The following OR1I1 variants were observed in gnomAD, a reference collection of about 807,000 sequenced individuals.
The protein encoded by OR1I1 is olfactory receptor family 1 subfamily I member 1, also known as olfactory receptor 1I1.
For synonymous variants in OR1I1, 171 were observed against 181.4 expected (o/e 0.94, Z 0.46); for missense variants, 451 against 443.6 (o/e 1.02, Z -0.15).
Position 15,082,247 on chromosome 19 carries a change from T to C in OR1I1, c.-43T>C, listed in dbSNP as rs2046212195. ...GGGGTACACATATGAATCCTTCCCATAGACATCAGGCTAACCCCAGCGATC... is the reference window on the plus strand; with the variant it reads ...GGGGTACACATATGAATCCTTCCCACAGACATCAGGCTAACCCCAGCGATC... On this transcript the variant is annotated 5_prime_UTR_variant, in exon 1 of 2. Coordinates refer to ENST00000641398, the MANE Select transcript of OR1I1 (RefSeq NM_001004713.2). 6.6e-6 allele frequency: 1 copy of C among 152,380 alleles called. No individual in the cohort carries two copies. The highest frequency in any genetic ancestry group is 1.5e-5 in the Non-Finnish European group (1 of 68,254). 9.4% of individuals were successfully genotyped at this position (152,380 alleles called of 1,614,324 possible).
Position 15,087,238 on chromosome 19 carries a change from C to T in OR1I1, c.173C>T (p.Pro58Leu), listed in dbSNP as rs2046233651. ...AIITDSHLHT[P>L]MYFFLFNLSL... ...ATCACGGACTCTCACCTCCACACAC[C>T]CATGTACTTCTTTCTCTTCAACCTC... is the stretch of plus-strand genomic sequence containing the variant. The change falls in exon 2 of 2, where the codon CCC (proline) becomes CTC (leucine). Residue 58 changes from proline (P) to leucine (L), a missense_variant. Transcript: ENST00000641398. 6.2e-7 allele frequency: 1 copy of T among 1,614,072 alleles called. No homozygotes were observed. Among genetic ancestry groups the T allele is most frequent in the Non-Finnish European group, 8.5e-7 (1 of 1,179,988 alleles).
At chr19:15,083,133 G>T (rs1204323976) in intron 1 of OR1I1, among the ~76,000 whole-genome samples, 3 of 151,932 alleles carry the variant, frequency 2.0e-5, no homozygotes, top group African/African-American at 4.8e-5. Flanking sequence ...AGAGATGGGG[G>T]TCTCACTGTG....
chr19:15,085,763 A>C (rs1207366850), intron 1 of OR1I1, among the ~76,000 whole-genome samples: 1 of 151,974 alleles, frequency 6.6e-6, no homozygotes, highest in Non-Finnish European at 1.5e-5. Context: ...TAAATTCCAC[A>C]TATAAGTGAG....
chr19:15,090,790 A>G lies in OR1I1; in HGVS notation c.*2657A>G, dbSNP rs2046253397. 6.6e-6 allele frequency: 1 copy of G among 152,226 alleles called. No homozygotes were observed. Among genetic ancestry groups the G allele is most frequent in the African/African-American group, 2.4e-5 (1 of 41,418 alleles). The allele number at this position is 152,226 out of a possible 1,614,324, so 9.4% of individuals were successfully genotyped here. A position where few individuals can be genotyped will look rare whatever the true frequency, so the allele number is the denominator to read the frequency against. The stretch of plus-strand genomic sequence containing the variant: ...ATATTTGTAGAGACAGGGTCTCACT[A>G]TGTTGCCCAGGCTGGTCTCAAACTC... On this transcript the variant is annotated 3_prime_UTR_variant, in exon 2 of 2. Transcript: ENST00000641398.
At position 15,092,571 on chromosome 19, in the gene OR1I1, G is replaced by A. The variant is rs540195325; in HGVS notation, c.*4438G>A. 5.9e-5 allele frequency: 9 copies of A among 152,304 alleles called. No individual in the cohort carries two copies. The highest frequency in any genetic ancestry group is 3.9e-4 in the Admixed American group (6 of 15,286). The allele number at this position is 152,304 out of a possible 1,614,324, so 9.4% of individuals were successfully genotyped here. On this transcript the variant is annotated 3_prime_UTR_variant, in exon 2 of 2. Coordinates refer to ENST00000641398, the MANE Select transcript of OR1I1 (RefSeq NM_001004713.2). Reference sequence around the variant, plus strand: ...GTCTGGCGAAAGCAGCCATAGATGAGACATCAACGAATGGGCTTGGCTGTG... The same window carrying A: ...GTCTGGCGAAAGCAGCCATAGATGAAACATCAACGAATGGGCTTGGCTGTG...
rs370613854 is a variant in OR1I1, at chr19:15,087,425, C to G, written c.360C>G (p.Ile120Met). 42 of 1,614,032 alleles carry G rather than the reference C, an allele frequency of 2.6e-5. No individual in the cohort carries two copies. In the East Asian group the frequency reaches 2.7e-4, roughly 10 times the overall value. Residue 120 changes from isoleucine (I) to methionine (M), a missense_variant, in exon 2 of 2, where the codon ATC (isoleucine) becomes ATG (methionine). By Grantham distance (10) the Ile-to-Met change is conservative. Transcript: ENST00000641398. ...GCTTTCTCCTGGCAGTAATGGCCAT[C>G]GACCGCTTCGTGGCCATTGTCCACC... Reference protein sequence around the residue: ...MDSFLLAVMAIDRFVAIVHPQ... With the variant: ...MDSFLLAVMAMDRFVAIVHPQ...
chr19:15,088,830 T>C lies in OR1I1; in HGVS notation c.*697T>C, dbSNP rs60904637. On this transcript the variant is annotated 3_prime_UTR_variant, in exon 2 of 2. Coordinates refer to ENST00000641398, the MANE Select transcript of OR1I1 (RefSeq NM_001004713.2). The stretch of plus-strand genomic sequence containing the variant: ...ATAGATAGATAGATAGATATACAGA[T>C]AGATACATAGATAGATAGGATAGAT... The C allele has an allele frequency of 0.15, 21,976 of 151,002 alleles. 1,985 individuals carry two copies. Among genetic ancestry groups the C allele is most frequent in the South Asian group, 0.29 (1,383 of 4,746 alleles). 9.4% of individuals were successfully genotyped at this position (151,002 alleles called of 1,614,324 possible).
Position 15,089,076 on chromosome 19 carries a change from G to GTAGATAGA in OR1I1, c.*959_*966dup, listed in dbSNP as rs149878733. On this transcript the variant is annotated 3_prime_UTR_variant, in exon 2 of 2. Coordinates refer to ENST00000641398, the MANE Select transcript of OR1I1 (RefSeq NM_001004713.2). The stretch of plus-strand genomic sequence containing the variant: ...GGATAGATAGAGATAGAGGAGGTAG[G>GTAGATAGA]TAGATAGATAGATAGATAGATAGGT... The GTAGATAGA allele has an allele frequency of 5.3e-5, 8 of 151,244 alleles. No homozygotes were observed. Among genetic ancestry groups the GTAGATAGA allele is most frequent in the South Asian group, 2.1e-4 (1 of 4,754 alleles). The allele number at this position is 151,244 out of a possible 1,614,324, so 9.4% of individuals were successfully genotyped here. A position where few individuals can be genotyped will look rare whatever the true frequency, so the allele number is the denominator to read the frequency against.
At chr19:15,083,773 T>C (rs1037150839) in intron 1 of OR1I1, among the ~76,000 whole-genome samples, 1 of 151,148 alleles carries the variant, frequency 6.6e-6, no homozygotes, top group Non-Finnish European at 1.5e-5. Context: ...GGGTCAGGAG[T>C]TCAAGACCAG....
intron 1 of OR1I1, among the ~76,000 whole-genome samples, chr19:15,082,765 T>C (rs1264665570): frequency 8.5e-6 from 1 of 117,450 alleles, no homozygotes; most frequent in Admixed American, 9.0e-5. Context: ...TATGATGAGT[T>C]TGGGAGCGGG....
chr19:15,088,802 T>TAGATAGATGATAGATAGAC lies in OR1I1; in HGVS notation c.*677_*678insGATAGATAGACAGATAGAT, dbSNP rs2046243906. ...ATAGATAGATAGATAGATAGATAGA[T>TAGATAGATGATAGATAGAC]AGATAGATAGATAGATAGATATACA... On this transcript the variant is annotated 3_prime_UTR_variant, in exon 2 of 2. Coordinates refer to ENST00000641398, the MANE Select transcript of OR1I1 (RefSeq NM_001004713.2). The TAGATAGATGATAGATAGAC allele has an allele frequency of 7.6e-6, 1 of 132,164 alleles. No individual in the cohort carries two copies. Among genetic ancestry groups the TAGATAGATGATAGATAGAC allele is most frequent in the Non-Finnish European group, 1.6e-5 (1 of 61,400 alleles). 8.2% of individuals were successfully genotyped at this position (132,164 alleles called of 1,614,324 possible).
rs149634260 is a variant in OR1I1, at chr19:15,091,386, A to G, written c.*3253A>G. 26,353 of 152,072 alleles carry G rather than the reference A, an allele frequency of 0.17. 2,370 individuals are homozygous for G. The highest frequency in any genetic ancestry group is 0.29 in the South Asian group (1,418 of 4,818). The allele number at this position is 152,072 out of a possible 1,614,324, so 9.4% of individuals were successfully genotyped here. ...TAAAAATACGAAAATTAGGCCGGGC[A>G]CAGTGGCTCATGCCTGTAATCCCAG... On this transcript the variant is annotated 3_prime_UTR_variant, in exon 2 of 2. Coordinates refer to ENST00000641398, the MANE Select transcript of OR1I1 (RefSeq NM_001004713.2).
chr19:15,087,332 C>T lies in OR1I1; in HGVS notation c.267C>T (p.Ser89=). 6.2e-7 allele frequency: 1 copy of T among 1,614,200 alleles called. No individual in the cohort carries two copies. The highest frequency in any genetic ancestry group is 1.3e-5 in the African/African-American group (1 of 75,058). The change falls in exon 2 of 2, where the codon AGC becomes AGT. Residue 89 remains serine, a synonymous_variant. Coordinates refer to ENST00000641398, the MANE Select transcript of OR1I1 (RefSeq NM_001004713.2). ...PKMLANIQAQ[S]RAIPFVGCLT... ...TGCTAGCGAACATCCAGGCTCAGAG[C>T]AGAGCCATCCCCTTTGTGGGCTGCC...
In OR1I1 at chr19:15,087,457, G is replaced by A. The variant is rs148579141; in HGVS notation, c.392G>A (p.Arg131His). The stretch of plus-strand genomic sequence containing the variant: ...TTCGTGGCCATTGTCCACCCACAGC[G>A]TTACTTGGTTCTCATGTGCTCCCCT... ...DRFVAIVHPQ[R>H]YLVLMCSPVC... Residue 131 changes from arginine (R) to histidine (H), a missense_variant, in exon 2 of 2, where the codon CGT becomes CAT. Coordinates refer to ENST00000641398, the MANE Select transcript of OR1I1 (RefSeq NM_001004713.2). 2.3e-5 allele frequency: 37 copies of A among 1,614,058 alleles called. No homozygotes were observed. The highest frequency in any genetic ancestry group is 2.2e-4 in the East Asian group (10 of 44,876).
At chr19:15,082,890 G>A (rs1159736777) in intron 1 of OR1I1, among the ~76,000 whole-genome samples, 1 of 151,978 alleles carries the variant, frequency 6.6e-6, no homozygotes, top group Non-Finnish European at 1.5e-5. Flanking sequence ...GCTCATCGCA[G>A]CCTCGACCTC....
chr19:15,089,790 C>T lies in OR1I1; in HGVS notation c.*1657C>T, dbSNP rs1026331438. ...AGGTCGAGGCTGCATGAGCTATGTT[C>T]CTGCCACTGCACTCCAGCCTGGGAA... On this transcript the variant is annotated 3_prime_UTR_variant, in exon 2 of 2. Coordinates refer to ENST00000641398, the MANE Select transcript of OR1I1 (RefSeq NM_001004713.2). 6.6e-6 allele frequency: 1 copy of T among 152,056 alleles called. No individual in the cohort carries two copies. Among genetic ancestry groups the T allele is most frequent in the Admixed American group, 6.6e-5 (1 of 15,226 alleles). 9.4% of individuals were successfully genotyped at this position (152,056 alleles called of 1,614,324 possible). A position where few individuals can be genotyped will look rare whatever the true frequency, so the allele number is the denominator to read the frequency against.
At position 15,085,665 on chromosome 19, in the gene OR1I1, C is replaced by A. The variant is rs941171447; in HGVS notation, c.-13-1388C>A. Among the ~76,000 whole-genome samples the A allele has an allele frequency of 3.9e-5, 6 of 152,002 alleles. No individual in the cohort carries two copies. In the East Asian group the frequency reaches 9.6e-4, roughly 24 times the overall value. ...TCCCATCTAATTGAAATTTTGTATT[C>A]TTTGATCAATATCTCCCTAACACCC... On this transcript the variant is annotated intron_variant, in intron 1 of 1. Coordinates refer to ENST00000641398, the MANE Select transcript of OR1I1 (RefSeq NM_001004713.2).
chr19:15,087,205 T>G lies in OR1I1; in HGVS notation c.140T>G (p.Leu47Arg), dbSNP rs777825635. 1 of 1,614,102 alleles carries G rather than the reference T, an allele frequency of 6.2e-7. No individual in the cohort carries two copies. The highest frequency in any genetic ancestry group is 2.2e-5 in the East Asian group (1 of 44,880). The change falls in exon 2 of 2, where the codon CTG becomes CGG. Residue 47 changes from leucine (L) to arginine (R), a missense_variant. Leu to Arg is a moderately radical substitution (Grantham distance 102). Coordinates refer to ENST00000641398, the MANE Select transcript of OR1I1 (RefSeq NM_001004713.2). ...ATCATTGGAAATGCCCTCATTATCC[T>G]GGCCATCATCACGGACTCTCACCTC... Reference protein sequence around the residue: ...VTIIGNALIILAIITDSHLHT... With the variant: ...VTIIGNALIIRAIITDSHLHT...
chr19:15,084,931 C>T (rs2046222186), intron 1 of OR1I1, among the ~76,000 whole-genome samples: 2 of 151,496 alleles, frequency 1.3e-5, no homozygotes. Context: ...CTGCAGTGAG[C>T]TGTGATTGTG....
Sources: gnomAD v4.1 joint callset for allele counts (sites outside exome capture counted in the v4.1 genomes callset) on GRCh38, gnomAD v4.1.1 for gene constraint, MANE v1.5 for transcripts, NCBI Gene and HGNC (gene_info 2026-07-23, HGNC 2026-07-21) for gene names.